Variants in SVIL observed in about 807,000 individuals in gnomAD.
The protein encoded by SVIL is archvillin.
SVIL carries 101 observed loss-of-function variants against 240.4 expected under a neutral mutation model. The observed-to-expected ratio is 0.42, with a 90% CI of 0.36 to 0.50. The LOEUF (loss-of-function observed/expected upper bound fraction) is 0.50. SVIL is among the 20% of genes least tolerant of loss of function. The pLI is 0.01. For missense variants in SVIL, 2,512 were observed against 2,818.7 expected (o/e 0.89, Z 2.46); for synonymous variants, 999 against 1,100.0 (o/e 0.91, Z 1.82).
intron 31 of SVIL, among the ~76,000 whole-genome samples, chr10:29,470,717 G>A (rs59220136): frequency 0.03 from 4,516 of 152,182 alleles, 232 homozygotes; most frequent in African/African-American, 0.1. Flanking sequence ...CAGGTGATCT[G>A]AAGTCCACAA....
rs1950777112 is a variant in SVIL, at chr10:29,524,651, C to T, written c.2407G>A (p.Ala803Thr). 6.2e-7 allele frequency: 1 copy of T among 1,614,196 alleles called. No homozygotes were observed. ...GAGGAATCAGGTTCTCCTTGCTCAGCAAGCTCTTTGCCCTCATTTGTCTGG... is the reference window on the plus strand; with the variant it reads ...GAGGAATCAGGTTCTCCTTGCTCAGTAAGCTCTTTGCCCTCATTTGTCTGG... ...KDQTNEGKEL[A>T]EQGEPDSSTL... The change falls in exon 14 of 38, where the codon GCT (alanine) becomes ACT (threonine). Residue 803 changes from alanine to threonine, a missense_variant. Physicochemically the swap from Ala to Thr is moderately conservative, Grantham distance 58 (BLOSUM62 0). Around this residue, in one of 3 missense-constraint regions of SVIL, gnomAD observed 1,443 missense variants for 1,486.6 expected, o/e 0.97. Transcript: ENST00000355867.
At chr10:29,677,689 A>G (rs981100004) in intron 2 of SVIL, among the ~76,000 whole-genome samples, 1 of 152,132 alleles carries the variant, frequency 6.6e-6, no homozygotes, top group Non-Finnish European at 1.5e-5. Context: ...CCAAAGTGCT[A>G]GGATTACAGG....
chr10:29,555,178 A>T (rs2132662533), intron 3 of SVIL, 70 bp from the exon 4 acceptor site: 1 of 1,410,018 alleles, frequency 7.1e-7, no homozygotes, highest in Non-Finnish European at 9.5e-7. Context: ...TCACTCATGC[A>T]ACGTGTTTAT....
At position 29,530,647 on chromosome 10, in the gene SVIL, C is replaced by T. The variant is rs528457608; in HGVS notation, c.2066G>A (p.Arg689Gln). Residue 689 changes from arginine (R) to glutamine (Q), a missense_variant, in exon 11 of 38, where the codon CGA (arginine) becomes CAA (glutamine). Coordinates refer to ENST00000355867, the MANE Select transcript of SVIL (RefSeq NM_021738.3). Reference protein sequence around the residue: ...TVDDEEKVDERAKLSVAAKRL... With the variant: ...TVDDEEKVDEQAKLSVAAKRL... Reference sequence around the variant, plus strand: ...CTTGGCGGCGACGCTCAGCTTGGCTCGTTCATCCACCTTTTCTTCATCTGC... The same window carrying T: ...CTTGGCGGCGACGCTCAGCTTGGCTTGTTCATCCACCTTTTCTTCATCTGC... 2.3e-5 allele frequency: 37 copies of T among 1,614,124 alleles called. No individual in the cohort carries two copies. The South Asian group carries it at 3.4e-4, about 15-fold the overall frequency.
intron 1 of SVIL, among the ~76,000 whole-genome samples, chr10:29,687,363 G>C (rs376342318): frequency 6.6e-6 from 1 of 152,244 alleles, no homozygotes; most frequent in African/African-American, 2.4e-5. Context: ...TATGCAAAAT[G>C]TAGATTTACT....
At chr10:29,467,656 A>G (rs545478169) in intron 33 of SVIL, 86 bp downstream of exon 33, 32 of 1,545,578 alleles carry the variant, frequency 2.1e-5, no homozygotes, top group Middle Eastern at 1.7e-4. Context: ...TCATACCACT[A>G]TACTCCAGCC....
At chr10:29,677,886 C>G (rs936206517) in intron 2 of SVIL, among the ~76,000 whole-genome samples, 2 of 152,148 alleles carry the variant, frequency 1.3e-5, no homozygotes, top group African/African-American at 4.8e-5. Flanking sequence ...ACCTTCAACT[C>G]AAAGAAACTA....
At chr10:29,462,641 C>T (rs1359159462) in intron 35 of SVIL, among the ~76,000 whole-genome samples, 2 of 152,158 alleles carry the variant, frequency 1.3e-5, no homozygotes, top group East Asian at 3.8e-4. Flanking sequence ...CCTAACAAAA[C>T]GCTGTGTATT....
chr10:29,601,502 T>C (rs1956810540), intron 1 of SVIL, among the ~76,000 whole-genome samples: 1 of 152,238 alleles, frequency 6.6e-6, no homozygotes, highest in East Asian at 1.9e-4. Flanking sequence ...GGTTTAAGCC[T>C]GAGGCACAAT....
chr10:29,650,534 A>G (rs983316547), intron 3 of SVIL, among the ~76,000 whole-genome samples: 4 of 152,188 alleles, frequency 2.6e-5, no homozygotes, highest in African/African-American at 9.7e-5. Flanking sequence ...TTATTACCAC[A>G]TTTATTACCA....
intron 3 of SVIL, among the ~76,000 whole-genome samples, chr10:29,651,307 C>T (rs1006203929): frequency 6.6e-6 from 1 of 152,194 alleles, no homozygotes; most frequent in African/African-American, 2.4e-5. Context: ...AATCTGGTGA[C>T]AGCAACACTT....
intron 3 of SVIL, chr10:29,643,923 C>A (rs993831465): frequency 2.0e-6 from 1 of 507,424 alleles, no homozygotes; most frequent in African/African-American, 1.9e-5. Flanking sequence ...AGGGGTGAGC[C>A]TGGACCGTGG....
At chr10:29,681,738 G>T (rs898320015) in intron 2 of SVIL, among the ~76,000 whole-genome samples, 1 of 152,132 alleles carries the variant, frequency 6.6e-6, no homozygotes, top group Non-Finnish European at 1.5e-5. Context: ...ATCAGAGCTG[G>T]GCTGGATGCT....
chr10:29,484,780 C>T lies in SVIL; in HGVS notation c.4831G>A (p.Val1611Ile). 6.2e-7 allele frequency: 1 copy of T among 1,613,766 alleles called. No individual in the cohort carries two copies. The change falls in exon 27 of 38, where the codon GTC becomes ATC. Residue 1611 changes from valine to isoleucine, a missense_variant. Physicochemically the swap from Val to Ile is conservative, Grantham distance 29. Transcript: ENST00000355867. This position sits in a 1 kb window ranked among gnomAD's most constrained non-coding sequence, Gnocchi z 4.7. ...SEVYVWHGKE[V>I]TLAQRKIAFQ... is the part of the protein sequence containing the mutation. ...GCTATTTTTCGTTGTGCTAATGTGA[C>T]TTCTTTCCCATGCCATACGTAAACT...
intron 3 of SVIL, among the ~76,000 whole-genome samples, chr10:29,648,816 A>G (rs988261402): frequency 7.6e-5 from 6 of 78,866 alleles, no homozygotes; most frequent in Admixed American, 1.3e-4. Context: ...GACAGCTGGG[A>G]AAAAAAAAAA....
intron 1 of SVIL, among the ~76,000 whole-genome samples, chr10:29,731,575 G>T (rs1316142116): frequency 2.0e-5 from 3 of 151,978 alleles, no homozygotes; most frequent in Non-Finnish European, 4.4e-5. Context: ...CCATTCCTTT[G>T]TTAGGCAATG....
chr10:29,674,840 G>A (rs1319348900), intron 2 of SVIL, among the ~76,000 whole-genome samples: 2 of 152,006 alleles, frequency 1.3e-5, no homozygotes, highest in African/African-American at 2.4e-5. Flanking sequence ...CTTGGCTCAC[G>A]GCCCCTTCCT....
At chr10:29,459,761 C>T (rs1944016286) in intron 36 of SVIL, among the ~76,000 whole-genome samples, 1 of 152,102 alleles carries the variant, frequency 6.6e-6, no homozygotes, top group African/African-American at 2.4e-5. Context: ...AGCTGTTGCT[C>T]ATATTAGAAA....
At chr10:29,664,114 C>T (rs1959189815) in intron 2 of SVIL, among the ~76,000 whole-genome samples, 1 of 152,180 alleles carries the variant, frequency 6.6e-6, no homozygotes, top group African/African-American at 2.4e-5. Context: ...GGTCCTCATA[C>T]ATTTTTTAGT....
Sources: gnomAD v4.1 joint callset for allele counts (sites outside exome capture counted in the v4.1 genomes callset) on GRCh38, gnomAD v4.1.1 for gene constraint, gnomAD v4.1.1 regional missense constraint, Gnocchi (gnomAD v3.1) non-coding constraint, MANE v1.5 for transcripts, NCBI Gene and HGNC (gene_info 2026-07-23, HGNC 2026-07-21) for gene names.